The following ZSWIM6 variants were observed in gnomAD, a reference collection of about 807,000 sequenced individuals.
The protein encoded by ZSWIM6 is zinc finger SWIM domain-containing protein 6.
In ZSWIM6, 9 loss-of-function variants were observed where a neutral mutation model predicts 113.2. The observed-to-expected ratio is 0.08, with a 90% CI of 0.05 to 0.14. ZSWIM6 has a LOEUF of 0.14. ZSWIM6 is among the 10% of genes least tolerant of loss of function. The pLI, the probability that ZSWIM6 is intolerant of heterozygous loss-of-function variation, is 1.00. For missense variants in ZSWIM6, 1,162 were observed against 1,552.2 expected (o/e 0.75, Z 4.22); for synonymous variants, 611 against 606.5 (o/e 1.01, Z -0.11).
At chr5:61,428,252 C>G (rs953025984) in intron 1 of ZSWIM6, among the ~76,000 whole-genome samples, 2 of 152,192 alleles carry the variant, frequency 1.3e-5, no homozygotes, top group African/African-American at 2.4e-5. Context: ...AAAGAAAACA[C>G]AGTCATGAAT....
At chr5:61,438,014 C>T (rs1746746461) in intron 1 of ZSWIM6, among the ~76,000 whole-genome samples, 1 of 152,030 alleles carries the variant, frequency 6.6e-6, no homozygotes, top group Non-Finnish European at 1.5e-5. Context: ...TCTCAGTTTC[C>T]TGCTGAGTAT....
chr5:61,350,448 T>C (rs928401562), intron 1 of ZSWIM6, among the ~76,000 whole-genome samples: 1 of 152,140 alleles, frequency 6.6e-6, no homozygotes, highest in Non-Finnish European at 1.5e-5. Context: ...CTCTCCTCAA[T>C]CTTTCATATA....
At chr5:61,464,822 A>G (rs185337583) in intron 1 of ZSWIM6, among the ~76,000 whole-genome samples, 1 of 152,338 alleles carries the variant, frequency 6.6e-6, no homozygotes, top group African/African-American at 2.4e-5. Context: ...TAAATAGGTA[A>G]AAGGATCTTC....
At chr5:61,333,184 G>A (rs970030375) in intron 1 of ZSWIM6, among the ~76,000 whole-genome samples, 9 of 151,904 alleles carry the variant, frequency 5.9e-5, no homozygotes, top group Admixed American at 1.3e-4. Flanking sequence ...AGCAGGACGC[G>A]CCCCTCCGTG....
chr5:61,443,708 C>G (rs904324711), intron 1 of ZSWIM6, among the ~76,000 whole-genome samples: 1 of 152,088 alleles, frequency 6.6e-6, no homozygotes, highest in African/African-American at 2.4e-5. Context: ...GTTTCCCAAG[C>G]AATAAGATGT....
chr5:61,340,936 T>G (rs1216279362), intron 1 of ZSWIM6, among the ~76,000 whole-genome samples: 1 of 152,220 alleles, frequency 6.6e-6, no homozygotes, highest in African/African-American at 2.4e-5. Flanking sequence ...CGTAGTAATG[T>G]TTGAGATTAA....
intron 1 of ZSWIM6, among the ~76,000 whole-genome samples, chr5:61,455,837 C>T (rs1232425143): frequency 6.7e-6 from 1 of 149,882 alleles, no homozygotes; most frequent in Non-Finnish European, 1.5e-5. Flanking sequence ...CCCCCGCCCC[C>T]ACTGTTAACA....
chr5:61,423,278 G>A (rs1227348060), intron 1 of ZSWIM6, among the ~76,000 whole-genome samples: 1 of 151,938 alleles, frequency 6.6e-6, no homozygotes, highest in African/African-American at 2.4e-5. Context: ...CATGGTGGCG[G>A]ATGCCTGTAA....
At chr5:61,417,907 A>C (rs1292890281) in intron 1 of ZSWIM6, among the ~76,000 whole-genome samples, 2 of 152,220 alleles carry the variant, frequency 1.3e-5, no homozygotes, top group African/African-American at 4.8e-5. Context: ...AACCAAGTGA[A>C]AACCATTGAG....
chr5:61,372,011 GA>G (rs913723822), intron 1 of ZSWIM6, among the ~76,000 whole-genome samples: 4 of 149,594 alleles, frequency 2.7e-5, no homozygotes, highest in African/African-American at 1.0e-4. Flanking sequence ...CTACAGAAGA[GA>G]TTTTTTTTTT....
chr5:61,346,534 A>G (rs910576251), intron 1 of ZSWIM6, among the ~76,000 whole-genome samples: 1 of 152,210 alleles, frequency 6.6e-6, no homozygotes, highest in African/African-American at 2.4e-5. Context: ...ACTGGATGTT[A>G]GTGGGTAAGA....
At chr5:61,479,599 C>CA (rs770354994) in intron 2 of ZSWIM6, among the ~76,000 whole-genome samples, 1 of 152,298 alleles carries the variant, frequency 6.6e-6, no homozygotes, top group Non-Finnish European at 1.5e-5. Context: ...CCATCTCCCC[C>CA]ACAATGGCGT....
At chr5:61,380,959 A>G (rs1745461521) in intron 1 of ZSWIM6, among the ~76,000 whole-genome samples, 1 of 151,642 alleles carries the variant, frequency 6.6e-6, no homozygotes, top group Non-Finnish European at 1.5e-5. Context: ...AAAGAAAAAA[A>G]AAATACAGGC....
chr5:61,459,586 C>T (rs75914006), intron 1 of ZSWIM6, among the ~76,000 whole-genome samples: 6,885 of 152,280 alleles, frequency 0.045, 239 homozygotes, highest in Middle Eastern at 0.085. Context: ...CGTTTGCTTT[C>T]AGACTTTGCT....
chr5:61,440,255 G>C (rs1027778508), intron 1 of ZSWIM6, among the ~76,000 whole-genome samples: 15 of 151,532 alleles, frequency 9.9e-5, no homozygotes, highest in African/African-American at 3.6e-4. Context: ...ATGTGGTAGG[G>C]TAATCTTGTT....
At chr5:61,438,846 C>T (rs1191731850) in intron 1 of ZSWIM6, among the ~76,000 whole-genome samples, 4 of 152,088 alleles carry the variant, frequency 2.6e-5, no homozygotes, top group African/African-American at 9.7e-5. Context: ...CCAAGAACAG[C>T]AGGTTGTGCT....
intron 1 of ZSWIM6, among the ~76,000 whole-genome samples, chr5:61,439,168 T>G (rs906347931): frequency 6.6e-6 from 1 of 152,204 alleles, no homozygotes; most frequent in African/African-American, 2.4e-5. Flanking sequence ...AACTAACCTT[T>G]GGCTATATAT....
chr5:61,401,005 T>G (rs1156564361), intron 1 of ZSWIM6, among the ~76,000 whole-genome samples: 1 of 152,248 alleles, frequency 6.6e-6, no homozygotes, highest in African/African-American at 2.4e-5. Context: ...GTTTTCTCAT[T>G]AATTTATCGT....
chr5:61,411,348 G>A (rs1431825737), intron 1 of ZSWIM6, among the ~76,000 whole-genome samples: 1 of 152,104 alleles, frequency 6.6e-6, no homozygotes, highest in Non-Finnish European at 1.5e-5. Context: ...TACAAAGGAT[G>A]GGAATACAGT....
Sources: gnomAD v4.1 joint callset for allele counts (sites outside exome capture counted in the v4.1 genomes callset) on GRCh38, gnomAD v4.1.1 for gene constraint, MANE v1.5 for transcripts, NCBI Gene and HGNC (gene_info 2026-07-23, HGNC 2026-07-21) for gene names.